Variants in FAM216B observed in about 807,000 individuals in gnomAD.
FAM216B encodes protein FAM216B.
In FAM216B, 11 loss-of-function variants were observed where a neutral mutation model predicts 12.9. The observed-to-expected ratio is 0.86, with a 90% CI of 0.54 to 1.42. FAM216B has a LOEUF of 1.42. FAM216B is among the 40% of genes most tolerant of loss of function. The pLI is 0.00. For synonymous variants in FAM216B, 52 were observed against 57.2 expected, an observed-to-expected ratio of 0.91 and a Z score of 0.41; for missense variants, 167 against 162.9, an observed-to-expected ratio of 1.02 and a Z score of -0.14.
intron 2 of FAM216B, among the ~76,000 whole-genome samples, chr13:42,785,203 T>C (rs2089908205): frequency 6.6e-6 from 1 of 152,202 alleles, no homozygotes; most frequent in South Asian, 2.1e-4. Flanking sequence ...CTTCAGAAAC[T>C]AAAGCTGAAA....
At position 42,784,179 on chromosome 13, in the gene FAM216B, T is replaced by TC; in HGVS notation, c.99+13_99+14insC. 1 of 1,524,172 alleles carries TC rather than the reference T, an allele frequency of 6.6e-7. No homozygotes were observed. 94.4% of individuals were successfully genotyped at this position (1,524,172 alleles called of 1,614,324 possible). A position where few individuals can be genotyped will look rare whatever the true frequency, so the allele number is the denominator to read the frequency against. On this transcript the variant is annotated intron_variant, in intron 2 of 3. Coordinates refer to ENST00000313851, the MANE Select transcript of FAM216B (RefSeq NM_001318932.2). The stretch of plus-strand genomic sequence containing the variant: ...TTCCTTACTAAAGGTATGGCTTTTT[T>TC]TTTTTTTTTTTTTTCACAGATAGAG...
chr13:42,788,843 T>A lies in FAM216B; in HGVS notation c.*53T>A. 6.6e-7 allele frequency: 1 copy of A among 1,505,302 alleles called. No individual in the cohort carries two copies. Among genetic ancestry groups the A allele is most frequent in the Non-Finnish European group, 9.0e-7 (1 of 1,104,994 alleles). The allele number at this position is 1,505,302 out of a possible 1,614,324, so 93.2% of individuals were successfully genotyped here. A position where few individuals can be genotyped will look rare whatever the true frequency, so the allele number is the denominator to read the frequency against. ...AGTTTGCCCATGTATCCCTGGTATC[T>A]AGTGGGTGCTTTGTGCATATTTGTT... On this transcript the variant is annotated 3_prime_UTR_variant, in exon 4 of 4. Coordinates refer to ENST00000313851, the MANE Select transcript of FAM216B (RefSeq NM_001318932.2).
intron 2 of FAM216B, among the ~76,000 whole-genome samples, chr13:42,785,460 T>C (rs1874048558): frequency 6.6e-6 from 1 of 152,252 alleles, no homozygotes. Context: ...TTGAATTTTT[T>C]GGCCTAGGGT....
intron 2 of FAM216B, 118 bp downstream of exon 2, chr13:42,784,284 C>T (rs1873984336): frequency 7.2e-6 from 5 of 693,978 alleles, no homozygotes; most frequent in Admixed American, 6.2e-5. Context: ...GAATATTGGC[C>T]GCATAATAAG....
intron 3 of FAM216B, among the ~76,000 whole-genome samples, chr13:42,787,106 T>C (rs936109504): frequency 6.6e-6 from 1 of 152,198 alleles, no homozygotes; most frequent in African/African-American, 2.4e-5. Context: ...GTATGGATTG[T>C]GATAAAATGT....
chr13:42,783,999 C>A, intron 1 of FAM216B, 55 bp from the exon 2 acceptor site: 1 of 1,169,038 alleles, frequency 8.6e-7, no homozygotes, highest in Non-Finnish European at 1.2e-6. Context: ...AAGTACATCC[C>A]CAAAATTGGT....
chr13:42,785,846 G>A (rs747179388), intron 2 of FAM216B, among the ~76,000 whole-genome samples: 8 of 152,026 alleles, frequency 5.3e-5, no homozygotes, highest in Admixed American at 2.0e-4. Flanking sequence ...CTGGAAAGGC[G>A]TGGGAAGCTG....
chr13:42,786,014 C>T (rs1257792343), intron 2 of FAM216B, among the ~76,000 whole-genome samples: 2 of 152,158 alleles, frequency 1.3e-5, no homozygotes, highest in Non-Finnish European at 2.9e-5. Flanking sequence ...AGAGCCACTG[C>T]CTTAAATAAA....
chr13:42,789,636 T>TGTG lies in FAM216B; in HGVS notation c.*846_*847insGTG. The stretch of plus-strand genomic sequence containing the variant: ...ATGGTTATTTTCATCACCAGAGATT[T>TGTG]TGTGTGTGTGTGTGTGTGTGTGTGT... On this transcript the variant is annotated 3_prime_UTR_variant, in exon 4 of 4. Transcript: ENST00000313851. 6.7e-6 allele frequency: 1 copy of TGTG among 150,372 alleles called. No homozygotes were observed. The highest frequency in any genetic ancestry group is 2.1e-4 in the South Asian group (1 of 4,722). 9.3% of individuals were successfully genotyped at this position (150,372 alleles called of 1,614,324 possible).
At chr13:42,788,226 C>T (rs1229489499) in intron 3 of FAM216B, among the ~76,000 whole-genome samples, 1 of 152,142 alleles carries the variant, frequency 6.6e-6, no homozygotes, top group East Asian at 1.9e-4. Context: ...TTTGAAAAAG[C>T]ATGTGGCCTC....
chr13:42,786,636 T>TAAAAAAA, intron 2 of FAM216B, 127 bp from the exon 3 acceptor site: 1 of 1,059,582 alleles, frequency 9.4e-7, no homozygotes, highest in Non-Finnish European at 1.3e-6. Context: ...TGTTGCACAT[T>TAAAAAAA]AAAAAAAAAA....
chr13:42,782,434 C>G (rs1873890829), intron 1 of FAM216B, among the ~76,000 whole-genome samples: 1 of 152,192 alleles, frequency 6.6e-6, no homozygotes, highest in Non-Finnish European at 1.5e-5. Flanking sequence ...AAACTCAAGT[C>G]TTTCTAGTTC....
Position 42,784,129 on chromosome 13 carries a change from G to A in FAM216B, c.62G>A (p.Arg21Gln). Residue 21 changes from arginine (R) to glutamine (Q), a missense_variant, in exon 2 of 4, where the codon CGA (arginine) becomes CAA (glutamine). Transcript: ENST00000313851. ...LWNVPQLPFI[R>Q]VPPSIYDTSL... ...AATGTTCCACAACTTCCTTTTATTC[G>A]AGTTCCTCCCTCCATCTATGACACT... 2 of 1,590,978 alleles carry A rather than the reference G, an allele frequency of 1.3e-6. No homozygotes were observed. Among genetic ancestry groups the A allele is most frequent in the Non-Finnish European group, 1.7e-6 (2 of 1,168,406 alleles).
intron 1 of FAM216B, 74 bp downstream of exon 1, chr13:42,781,738 C>T (rs1873864128): frequency 6.6e-6 from 1 of 152,186 alleles, no homozygotes; most frequent in Non-Finnish European, 1.5e-5. Flanking sequence ...TCCCTGAATT[C>T]CATGAGTATT....
rs951526418 is a variant in FAM216B, at chr13:42,791,006, G to A, written c.*2216G>A. ...GTAGAATATCAAGGACAGGTGATGAGACAACAAGTCTATCCCGCAAAGGGC... is the reference window on the plus strand; with the variant it reads ...GTAGAATATCAAGGACAGGTGATGAAACAACAAGTCTATCCCGCAAAGGGC... On this transcript the variant is annotated 3_prime_UTR_variant, in exon 4 of 4. Transcript: ENST00000313851. 3 of 152,180 alleles carry A rather than the reference G, an allele frequency of 2.0e-5. No homozygotes were observed. The highest frequency in any genetic ancestry group is 7.2e-5 in the African/African-American group (3 of 41,440). The allele number at this position is 152,180 out of a possible 1,614,324, so 9.4% of individuals were successfully genotyped here.
At chr13:42,784,015 TA>T in intron 1 of FAM216B, 38 bp from the exon 2 acceptor site, 1 of 1,438,482 alleles carries the variant, frequency 7.0e-7, no homozygotes, top group Non-Finnish European at 9.5e-7. Flanking sequence ...TTGGTTGAGC[TA>T]AAAGAAATTT....
intron 1 of FAM216B, among the ~76,000 whole-genome samples, chr13:42,783,155 A>T (rs1873923733): frequency 6.6e-6 from 1 of 152,062 alleles, no homozygotes; most frequent in African/African-American, 2.4e-5. Flanking sequence ...CTAACAATTT[A>T]AAAAATAATT....
At chr13:42,783,783 C>T (rs1019376822) in intron 1 of FAM216B, among the ~76,000 whole-genome samples, 4 of 152,024 alleles carry the variant, frequency 2.6e-5, no homozygotes, top group African/African-American at 7.2e-5. Context: ...CTGTTCCAAA[C>T]AGTTAGAAAG....
intron 3 of FAM216B, among the ~76,000 whole-genome samples, 170 bp downstream of exon 3, chr13:42,787,053 G>A (rs1874120995): frequency 6.6e-6 from 1 of 152,226 alleles, no homozygotes; most frequent in Admixed American, 6.5e-5. Flanking sequence ...ACAATGGAAA[G>A]CAAGGTTTTA....
Sources: gnomAD v4.1 joint callset for allele counts (sites outside exome capture counted in the v4.1 genomes callset) on GRCh38, gnomAD v4.1.1 for gene constraint, MANE v1.5 for transcripts, NCBI Gene and HGNC (gene_info 2026-07-23, HGNC 2026-07-21) for gene names.